Variants in SLC26A7 observed in about 807,000 individuals in gnomAD.
SLC26A7 encodes solute carrier family 26 member 7, also known as anion exchange transporter.
SLC26A7 carries 59 observed loss-of-function variants against 82.5 expected under a neutral mutation model. The ratio of observed to expected loss-of-function variants is 0.72; its 90% CI spans 0.58 to 0.89. The LOEUF is 0.89. Among genes scored for constraint, SLC26A7 ranks in the 40% least tolerant of loss-of-function variants. The probability of loss-of-function intolerance (pLI) is 0.00; values close to 1 mark genes in which losing one functional copy is unlikely to be tolerated. For missense variants in SLC26A7, 820 were observed against 793.0 expected, an observed-to-expected ratio of 1.03 and a Z score of -0.41; for synonymous variants, 271 against 274.3, an observed-to-expected ratio of 0.99 and a Z score of 0.12.
intron 4 of SLC26A7, among the ~76,000 whole-genome samples, chr8:91,298,827 A>G (rs1158065638): frequency 6.6e-6 from 1 of 152,186 alleles, no homozygotes; most frequent in Non-Finnish European, 1.5e-5. Flanking sequence ...CATCTCTTCA[A>G]GATGAATTCC....
In SLC26A7 at chr8:91,256,557, A is replaced by G. The variant is rs112036811; in HGVS notation, c.193+6713A>G. On this transcript the variant is annotated intron_variant, in intron 2 of 18. Coordinates refer to ENST00000276609, the MANE Select transcript of SLC26A7 (RefSeq NM_052832.4). ...TGCTGAAATGATGACAGTAGAGATA[A>G]TGTGCCTCTACAGTTTCCCAGGACC... Among the ~76,000 whole-genome samples, 214 of 152,202 alleles carry G rather than the reference A, an allele frequency of 1.4e-3. 2 individuals carry two copies. The highest frequency in any genetic ancestry group is 5.1e-3 in the African/African-American group (211 of 41,550).
chr8:91,284,505 A>G (rs575041421), intron 2 of SLC26A7, among the ~76,000 whole-genome samples: 24 of 152,166 alleles, frequency 1.6e-4, no homozygotes, highest in Non-Finnish European at 3.2e-4. Context: ...TCCAAATATG[A>G]TTGGCCTATC....
At chr8:91,348,430 T>C in intron 9 of SLC26A7, 1 of 795,030 alleles carries the variant, frequency 1.3e-6, no homozygotes, top group Non-Finnish European at 1.5e-6. Context: ...TGTATGGTCA[T>C]CTTTGTAACT....
chr8:91,290,412 G>C (rs1035445249), intron 3 of SLC26A7, among the ~76,000 whole-genome samples: 2 of 152,156 alleles, frequency 1.3e-5, no homozygotes, highest in African/African-American at 2.4e-5. Flanking sequence ...CAGCAGGGCT[G>C]TGTTTCTTTC....
At position 91,395,954 on chromosome 8, in the gene SLC26A7, T is replaced by C. The variant is rs887634595; in HGVS notation, c.*857T>C. The C allele has an allele frequency of 1.3e-5, 2 of 152,102 alleles. No homozygotes were observed. Among genetic ancestry groups the C allele is most frequent in the Admixed American group, 1.3e-4 (2 of 15,266 alleles). The allele number at this position is 152,102 out of a possible 1,614,324, so 9.4% of individuals were successfully genotyped here. On this transcript the variant is annotated 3_prime_UTR_variant, in exon 19 of 19. Coordinates refer to ENST00000276609, the MANE Select transcript of SLC26A7 (RefSeq NM_052832.4). ...GCAGAATAGCTTTGTGCTATTCCAG[T>C]ATAAGATGAACTGTAATAATTTTTG...
intron 2 of SLC26A7, among the ~76,000 whole-genome samples, chr8:91,226,451 G>C (rs1810241239): frequency 6.6e-6 from 1 of 152,064 alleles, no homozygotes; most frequent in South Asian, 2.1e-4. Context: ...ATACGTTAAG[G>C]ATGAAAACAA....
intron 16 of SLC26A7, among the ~76,000 whole-genome samples, chr8:91,392,141 A>T (rs1175601485): frequency 6.6e-6 from 1 of 152,196 alleles, no homozygotes; most frequent in Non-Finnish European, 1.5e-5. Flanking sequence ...ATAAAATGAC[A>T]TTCCCTTAGC....
intron 2 of SLC26A7, among the ~76,000 whole-genome samples, chr8:91,237,792 AG>A (rs1297806840): frequency 2.0e-5 from 3 of 152,188 alleles, no homozygotes; most frequent in Non-Finnish European, 4.4e-5. Flanking sequence ...ATTGTAATAA[AG>A]CTCCTCTTCC....
At chr8:91,382,210 C>A (rs1331040684) in intron 15 of SLC26A7, among the ~76,000 whole-genome samples, 1 of 152,152 alleles carries the variant, frequency 6.6e-6, no homozygotes, top group African/African-American at 2.4e-5. Flanking sequence ...ATCACTTCTA[C>A]TTTAAAAAAT....
At chr8:91,308,392 C>T (rs570151347) in intron 4 of SLC26A7, among the ~76,000 whole-genome samples, 59 of 147,456 alleles carry the variant, frequency 4.0e-4, no homozygotes, top group Middle Eastern at 6.8e-3. Context: ...CAGCCATCAC[C>T]GTCATCTGTC....
intron 2 of SLC26A7, among the ~76,000 whole-genome samples, chr8:91,274,981 T>A (rs748482845): frequency 6.6e-6 from 1 of 152,180 alleles, no homozygotes; most frequent in Non-Finnish European, 1.5e-5. Context: ...ATATCACTGA[T>A]ATCAGTCATT....
At chr8:91,291,683 A>G (rs1811873332) in intron 3 of SLC26A7, among the ~76,000 whole-genome samples, 1 of 152,218 alleles carries the variant, frequency 6.6e-6, no homozygotes, top group South Asian at 2.1e-4. Flanking sequence ...CACTGTAAAC[A>G]TTTTACAGAT....
At chr8:91,210,562 G>GACACACACACACACACACAC (rs35968986) in intron 1 of SLC26A7, among the ~76,000 whole-genome samples, 18 of 146,198 alleles carry the variant, frequency 1.2e-4, no homozygotes, top group Middle Eastern at 3.5e-3. Context: ...CACACACACA[G>GACACACACACACACACACAC]ACACACACAC....
chr8:91,393,737 T>C lies in SLC26A7; in HGVS notation c.1777-60T>C. 5 of 1,569,116 alleles carry C rather than the reference T, an allele frequency of 3.2e-6. No individual in the cohort carries two copies. In the East Asian group the frequency reaches 1.1e-4, roughly 35 times the overall value. ...AGTTTGATTTCTTCTGAAGCCCATC[T>C]TATTTCCTCCTGCTGGCTATTCTGA... On this transcript the variant is annotated intron_variant, in intron 16 of 18. Coordinates refer to ENST00000276609, the MANE Select transcript of SLC26A7 (RefSeq NM_052832.4).
Position 91,290,306 on chromosome 8 carries a change from C to T in SLC26A7, c.304+1060C>T, listed in dbSNP as rs532843843. 1.3e-4 allele frequency among the ~76,000 whole-genome samples: 20 copies of T among 152,074 alleles called. No homozygotes were observed. In the South Asian group the frequency reaches 2.7e-3, roughly 21 times the overall value. On this transcript the variant is annotated intron_variant, in intron 3 of 18. Transcript: ENST00000276609. Reference sequence around the variant, plus strand: ...TTCTGTTGCTGCTGTAACAAATTACCATAAGTTTGGTGCTTAGAACAAGAT... The same window carrying T: ...TTCTGTTGCTGCTGTAACAAATTACTATAAGTTTGGTGCTTAGAACAAGAT...
intron 2 of SLC26A7, among the ~76,000 whole-genome samples, chr8:91,221,609 C>T (rs1336952233): frequency 6.6e-6 from 1 of 152,174 alleles, no homozygotes; most frequent in East Asian, 1.9e-4. Context: ...GTTCTCCCAG[C>T]ACCATTTACT....
At chr8:91,259,028 CTT>C (rs1408311745) in intron 2 of SLC26A7, among the ~76,000 whole-genome samples, 7 of 152,206 alleles carry the variant, frequency 4.6e-5, no homozygotes, top group African/African-American at 1.4e-4. Context: ...TCCTTACTGT[CTT>C]TTCTCATCCC....
chr8:91,328,789 G>A (rs906065700), intron 5 of SLC26A7, among the ~76,000 whole-genome samples: 4 of 151,962 alleles, frequency 2.6e-5, no homozygotes, highest in Admixed American at 2.6e-4. Context: ...TGTCTGTGAA[G>A]TACTTTAGAA....
intron 5 of SLC26A7, among the ~76,000 whole-genome samples, chr8:91,331,400 C>T (rs926247509): frequency 1.3e-5 from 2 of 152,024 alleles, no homozygotes; most frequent in Non-Finnish European, 2.9e-5. Flanking sequence ...AGAATTCAAC[C>T]AGTTCTCTTT....
Sources: allele counts gnomAD v4.1 joint callset (sites outside exome capture counted in the v4.1 genomes callset), GRCh38; gene constraint gnomAD v4.1.1; transcripts MANE v1.5; gene names NCBI Gene and HGNC (gene_info 2026-07-23, HGNC 2026-07-21).